Variants in OARD1 observed in about 807,000 individuals in gnomAD.
The protein encoded by OARD1 is O-acyl-ADP-ribose deacylase 1, also known as ADP-ribose glycohydrolase OARD1.
In OARD1, 19 loss-of-function variants were observed where a neutral mutation model predicts 19.7. The ratio of observed to expected loss-of-function variants is 0.96; its 90% confidence interval spans 0.67 to 1.41. The LOEUF (loss-of-function observed/expected upper bound fraction) is 1.41, where lower values mean the gene tolerates loss of function less well. Ranked by LOEUF, OARD1 falls within the 40% of genes most tolerant of loss-of-function variation. OARD1 has a pLI of 0.00. For synonymous variants in OARD1, 70 were observed against 61.8 expected, an observed-to-expected ratio of 1.13 and a Z score of -0.62; for missense variants, 190 against 183.8, an observed-to-expected ratio of 1.03 and a Z score of -0.20.
intron 1 of OARD1, 133 bp from the exon 2 acceptor site, chr6:41,071,808 G>C (rs1763421275): frequency 5.0e-6 from 3 of 601,310 alleles, no homozygotes; most frequent in Admixed American, 2.8e-5. Flanking sequence ...TCGGCCCCTG[G>C]GACGTAATAC....
chr6:41,083,153 ACT>A (rs1336878669), intron 1 of OARD1, among the ~76,000 whole-genome samples: 2 of 152,188 alleles, frequency 1.3e-5, no homozygotes, highest in African/African-American at 4.8e-5. Context: ...CTTCTAAAGC[ACT>A]TTTAAAGTGC....
At chr6:41,070,768 A>AG (rs1466470188) in intron 3 of OARD1, 1 of 436,634 alleles carries the variant, frequency 2.3e-6, no homozygotes, top group Non-Finnish European at 4.1e-6. Flanking sequence ...AAGTGATGGG[A>AG]GGGGTCTGTA....
At chr6:41,092,287 G>C (rs1764216040) in intron 1 of OARD1, among the ~76,000 whole-genome samples, 1 of 152,234 alleles carries the variant, frequency 6.6e-6, no homozygotes, top group African/African-American at 2.4e-5. Flanking sequence ...AGCTACTTGG[G>C]AGGCTAATCC....
chr6:41,097,513 A>G, intron 1 of OARD1: 5 of 1,233,784 alleles, frequency 4.1e-6, no homozygotes, highest in Non-Finnish European at 5.8e-6. Context: ...TCTGCCCTTT[A>G]CTACAGGACA....
upstream of OARD1, among the ~76,000 whole-genome samples, chr6:41,077,560 A>C (rs1397716142): frequency 6.6e-6 from 1 of 152,232 alleles, no homozygotes; most frequent in Non-Finnish European, 1.5e-5. Flanking sequence ...TATTAGAGAC[A>C]AGATAGAATT....
At chr6:41,094,566 A>G in intron 1 of OARD1, 1 of 1,193,974 alleles carries the variant, frequency 8.4e-7, no homozygotes, top group South Asian at 1.2e-5. Context: ...AGCCTTCAGC[A>G]GTGTCCTCTT....
intron 4 of OARD1, 37 bp downstream of exon 4, chr6:41,070,039 C>T (rs2272986): frequency 0.35 from 409,731 of 1,171,384 alleles, 74,595 homozygotes; most frequent in African/African-American, 0.52. Flanking sequence ...GTATTAAGAA[C>T]TGGCCCTGAA....
chr6:41,093,663 G>A (rs535478158), intron 1 of OARD1, among the ~76,000 whole-genome samples: 22 of 152,106 alleles, frequency 1.4e-4, no homozygotes, highest in Admixed American at 1.0e-3. Context: ...TAGAGACGGG[G>A]TTTCACCATG....
At chr6:41,091,843 A>G in intron 1 of OARD1, 1 of 866,044 alleles carries the variant, frequency 1.2e-6, no homozygotes, top group South Asian at 1.8e-5. Context: ...ACATTATGAC[A>G]AACCATAATT....
intron 5 of OARD1, 101 bp from the exon 6 acceptor site, chr6:41,067,538 C>T (rs1561841127): frequency 1.3e-6 from 1 of 767,302 alleles, no homozygotes; most frequent in Non-Finnish European, 2.1e-6. Flanking sequence ...AACAAATAAT[C>T]TAGTCTGACA....
intron 1 of OARD1, among the ~76,000 whole-genome samples, chr6:41,093,423 T>G (rs1764247999): frequency 6.6e-6 from 1 of 152,104 alleles, no homozygotes; most frequent in Non-Finnish European, 1.5e-5. Context: ...CCAAGATTCC[T>G]GCTTAGGCTC....
At chr6:41,080,577 G>C (rs1242454090) in intron 1 of OARD1, among the ~76,000 whole-genome samples, 1 of 152,180 alleles carries the variant, frequency 6.6e-6, no homozygotes, top group Non-Finnish European at 1.5e-5. Flanking sequence ...TTGTGTTAAT[G>C]ATGACAACTG....
upstream of OARD1, among the ~76,000 whole-genome samples, chr6:41,076,844 C>T (rs919574578): frequency 2.0e-5 from 3 of 152,192 alleles, no homozygotes; most frequent in African/African-American, 7.2e-5. Flanking sequence ...GAACATATGA[C>T]TTTACTGAAG....
intron 1 of OARD1, chr6:41,089,599 A>G (rs1764148058): frequency 4.3e-6 from 7 of 1,612,516 alleles, no homozygotes; most frequent in Non-Finnish European, 5.9e-6. Flanking sequence ...TCCCACCTGG[A>G]CAGATCCAGA....
At chr6:41,071,345 A>G in intron 2 of OARD1, 69 bp from the exon 3 acceptor site, 1 of 1,496,090 alleles carries the variant, frequency 6.7e-7, no homozygotes. Context: ...ATTTTTCTGT[A>G]TTTTGTGTCC....
chr6:41,067,373 C>T lies in OARD1; in HGVS notation c.421G>A (p.Glu141Lys), dbSNP rs942834095. 2 of 1,613,536 alleles carry T rather than the reference C, an allele frequency of 1.2e-6. No homozygotes were observed. The highest frequency in any genetic ancestry group is 1.3e-5 in the African/African-American group (1 of 74,920). The stretch of plus-strand genomic sequence containing the variant: ...ACAGTAATTTTGATGTCTGTTGCCT[C>T]AAATACCTCCTCGATCATCGCAGAT... ...NVSAMIEEVF[E>K]ATDIKITVYT... is the part of the protein sequence containing the mutation. Residue 141 changes from glutamate (E) to lysine (K), a missense_variant, in exon 6 of 6, where the codon GAG becomes AAG. Coordinates refer to ENST00000424266, the MANE Select transcript of OARD1 (RefSeq NM_001329686.2).
At chr6:41,090,120 AT>A in intron 1 of OARD1, 1 of 958,940 alleles carries the variant, frequency 1.0e-6, no homozygotes, top group Non-Finnish European at 1.6e-6. Flanking sequence ...TCTCAAAAAA[AT>A]AATTTTTTTT....
At chr6:41,080,779 A>G in intron 1 of OARD1, 1 of 1,572,932 alleles carries the variant, frequency 6.4e-7, no homozygotes. Flanking sequence ...CCTTCCTGAC[A>G]TATTTCAAGC....
chr6:41,093,032 A>C, intron 1 of OARD1: 5 of 1,614,184 alleles, frequency 3.1e-6, no homozygotes, highest in Non-Finnish European at 4.2e-6. Flanking sequence ...TCTTAAGAGG[A>C]GGCAAGCCCG....
Sources: allele counts gnomAD v4.1 joint callset (sites outside exome capture counted in the v4.1 genomes callset), GRCh38; gene constraint gnomAD v4.1.1; transcripts MANE v1.5; gene names NCBI Gene and HGNC (gene_info 2026-07-23, HGNC 2026-07-21).